The following IQANK1 variants were observed in gnomAD, a reference collection of about 807,000 sequenced individuals.
The protein encoded by IQANK1 is IQ motif and ankyrin repeat containing 1.
IQANK1 carries 30 observed loss-of-function variants against 22.6 expected under a neutral mutation model. The ratio of observed to expected loss-of-function variants is 1.33; its 90% CI spans 0.99 to 1.80. The LOEUF is 1.80. Among genes scored for constraint, IQANK1 ranks in the 40% most tolerant of loss-of-function variants. IQANK1 has a pLI of 0.00. For missense variants in IQANK1, 275 were observed against 235.2 expected (o/e 1.17, Z -1.11); for synonymous variants, 122 against 99.6 (o/e 1.23, Z -1.34).
intron 7 of IQANK1, among the ~76,000 whole-genome samples, chr8:143,776,320 T>C (rs1587490084): frequency 1.1e-5 from 1 of 87,272 alleles, no homozygotes; most frequent in African/African-American, 4.4e-5. Context: ...AGAGCGAGAC[T>C]CCGTCTCAAA....
Position 143,739,941 on chromosome 8 carries a change from C to T in IQANK1, c.168C>T (p.Ala56=), listed in dbSNP as rs1463488214. The change falls in exon 3 of 14, where the codon GCC becomes GCT. Residue 56 remains alanine, a synonymous_variant. Transcript: ENST00000527139. ...CCGCGTCGGCTGAGAGCCCACAGGCCCCCACAGGTGAGAGCCCGCACGTCC... is the reference window on the plus strand; with the variant it reads ...CCGCGTCGGCTGAGAGCCCACAGGCTCCCACAGGTGAGAGCCCGCACGTCC... ...REPASAESPQ[A]PTGPAEDRAA... is the part of the protein sequence containing the mutation. The T allele has an allele frequency of 7.2e-6, 5 of 697,996 alleles. No individual in the cohort carries two copies. The highest frequency in any genetic ancestry group is 4.0e-5 in the Admixed American group (2 of 49,632). 43.2% of individuals were successfully genotyped at this position (697,996 alleles called of 1,614,324 possible).
chr8:143,743,714 C>T (rs1053857669), intron 3 of IQANK1: 31 of 320,234 alleles, frequency 9.7e-5, no homozygotes, highest in Admixed American at 4.4e-4. Flanking sequence ...CGGCATCTGC[C>T]TCACAGTGCA....
intron 2 of IQANK1, among the ~76,000 whole-genome samples, chr8:143,737,480 TG>T (rs1818773864): frequency 1.3e-5 from 2 of 152,334 alleles, no homozygotes; most frequent in African/African-American, 4.8e-5. Flanking sequence ...TGCAGTGCCC[TG>T]TGTGGCGGGC....
intron 7 of IQANK1, among the ~76,000 whole-genome samples, chr8:143,783,657 G>A (rs909246608): frequency 1.3e-5 from 2 of 152,090 alleles, no homozygotes; most frequent in Admixed American, 6.6e-5. Context: ...ATCCTCCCAA[G>A]GACATAAAGA....
At chr8:143,766,691 AG>A (rs1419867322) in intron 3 of IQANK1, among the ~76,000 whole-genome samples, 3 of 152,108 alleles carry the variant, frequency 2.0e-5, no homozygotes, top group Non-Finnish European at 4.4e-5. Context: ...GAAAAAAAAA[AG>A]AACGTACTGA....
chr8:143,742,805 A>G lies in IQANK1; in HGVS notation c.175+2857A>G, dbSNP rs538983554. The G allele has an allele frequency of 2.1e-4, 95 of 456,092 alleles. 1 individual carries two copies. The East Asian group carries it at 3.3e-3, about 16-fold the overall frequency. The allele number at this position is 456,092 out of a possible 1,614,324, so 28.3% of individuals were successfully genotyped here. ...CAGCCTGGCTACTTTCACCTTAGCCAGCAGCCCTGGGCCACACTGGGGATG... is the reference window on the plus strand; with the variant it reads ...CAGCCTGGCTACTTTCACCTTAGCCGGCAGCCCTGGGCCACACTGGGGATG... On this transcript the variant is annotated intron_variant, in intron 3 of 13. Transcript: ENST00000527139.
At chr8:143,780,406 C>T (rs1017839160) in intron 7 of IQANK1, among the ~76,000 whole-genome samples, 3 of 151,986 alleles carry the variant, frequency 2.0e-5, no homozygotes, top group Admixed American at 6.5e-5. Flanking sequence ...GGGGATTTGT[C>T]GTACAGATTA....
At chr8:143,786,877 G>C (rs1480071086) in intron 7 of IQANK1, among the ~76,000 whole-genome samples, 1 of 152,168 alleles carries the variant, frequency 6.6e-6, no homozygotes, top group African/African-American at 2.4e-5. Flanking sequence ...TCCTGAGGGG[G>C]ACAAGGAAGG....
intron 3 of IQANK1, among the ~76,000 whole-genome samples, chr8:143,760,799 GC>G (rs1819380656): frequency 6.6e-6 from 1 of 152,260 alleles, no homozygotes; most frequent in Non-Finnish European, 1.5e-5. Context: ...AAGCAGCGAT[GC>G]CCCCGGGTTG....
intron 3 of IQANK1, chr8:143,743,206 T>C (rs2129790655): frequency 2.8e-6 from 1 of 362,114 alleles, no homozygotes. Context: ...TCCACTGTTT[T>C]TGGTTTGGGT....
At chr8:143,746,825 T>C (rs1384596598) in intron 3 of IQANK1, among the ~76,000 whole-genome samples, 1 of 152,200 alleles carries the variant, frequency 6.6e-6, no homozygotes, top group African/African-American at 2.4e-5. Flanking sequence ...CTCAATTTGT[T>C]GGCATATAAT....
intron 3 of IQANK1, chr8:143,741,955 C>T (rs538233992): frequency 1.4e-4 from 31 of 221,832 alleles, no homozygotes; most frequent in Non-Finnish European, 2.6e-4. Flanking sequence ...GAGCTCATGC[C>T]GTTGGTGTAA....
At chr8:143,766,657 C>T (rs6999943) in intron 3 of IQANK1, among the ~76,000 whole-genome samples, 32,472 of 151,356 alleles carry the variant, frequency 0.21, 3,847 homozygotes, top group East Asian at 0.51. Context: ...CGTGACGGTG[C>T]GAGATTCTGT....
chr8:143,753,344 A>G (rs1316009162), intron 3 of IQANK1, among the ~76,000 whole-genome samples: 3 of 150,788 alleles, frequency 2.0e-5, no homozygotes, highest in African/African-American at 4.9e-5. Context: ...TCATTCATAC[A>G]TTATTTTCTT....
rs1213690402 is a variant in IQANK1, at chr8:143,782,640, C to A, written c.790-6275C>A. Among the ~76,000 whole-genome samples, 7 of 152,106 alleles carry A rather than the reference C, an allele frequency of 4.6e-5. No homozygotes were observed. The South Asian group carries it at 8.3e-4, about 18-fold the overall frequency. ...GGATTACAGGCACGTGCCACCATGCCCAGCTAATTTTGTATTAGTAGAGAC... is the reference window on the plus strand; with the variant it reads ...GGATTACAGGCACGTGCCACCATGCACAGCTAATTTTGTATTAGTAGAGAC... On this transcript the variant is annotated intron_variant, in intron 7 of 13. Coordinates refer to ENST00000527139, the MANE Select transcript of IQANK1 (RefSeq NM_001381874.1).
chr8:143,756,339 C>G (rs1563772649), intron 3 of IQANK1, among the ~76,000 whole-genome samples: 1 of 152,214 alleles, frequency 6.6e-6, no homozygotes, highest in Non-Finnish European at 1.5e-5. Flanking sequence ...CCACGAGGGA[C>G]TGTCTGAGAA....
intron 3 of IQANK1, among the ~76,000 whole-genome samples, chr8:143,770,198 A>G (rs2129902911): frequency 6.6e-6 from 1 of 152,282 alleles, no homozygotes; most frequent in African/African-American, 2.4e-5. Flanking sequence ...TTGAGGCTTA[A>G]CTTCAGCGAA....
Position 143,790,518 on chromosome 8 carries a change from CTT to C in IQANK1, c.1597_1598del (p.Phe533ArgfsTer10). The C allele has an allele frequency of 2.5e-6, 1 of 403,128 alleles. No individual in the cohort carries two copies. Among genetic ancestry groups the C allele is most frequent in the Non-Finnish European group, 4.3e-6 (1 of 229,940 alleles). The allele number at this position is 403,128 out of a possible 1,614,324, so 25.0% of individuals were successfully genotyped here. A position where few individuals can be genotyped will look rare whatever the true frequency, so the allele number is the denominator to read the frequency against. On this transcript the variant is annotated frameshift_variant, in exon 14 of 14. Transcript: ENST00000527139. LOFTEE classifies it low-confidence loss of function (END_TRUNC). ...AGCAGCGGCTGGAGCACTTCCGCCT[CTT>C]TTTCGTCACCAAGGTCCAGTGGCCG... Reference protein sequence around the residue: ...QEQRLEHFRLFFVTKVQWPPA... With the variant: ...QEQRLEHFRLXFVTKVQWPPA...
chr8:143,790,190 A>G lies in IQANK1; in HGVS notation c.1343A>G (p.Gln448Arg). 2 of 1,232,136 alleles carry G rather than the reference A, an allele frequency of 1.6e-6. No individual in the cohort carries two copies. The highest frequency in any genetic ancestry group is 2.0e-6 in the Non-Finnish European group (2 of 988,022). 76.3% of individuals were successfully genotyped at this position (1,232,136 alleles called of 1,614,324 possible). A position where few individuals can be genotyped will look rare whatever the true frequency, so the allele number is the denominator to read the frequency against. ...LGQAATFLRY[Q>R]DTNYVDTVNP... ...CAGGCGGCCACCTTCCTGCGCTACC[A>G]GGATACCAACTATGTGGACACGGTG... Residue 448 changes from glutamine (Q) to arginine (R), a missense_variant, in exon 13 of 14, where the codon CAG becomes CGG. Physicochemically the swap from Gln to Arg is conservative, Grantham distance 43. Transcript: ENST00000527139.
Sources: allele counts gnomAD v4.1 joint callset (sites outside exome capture counted in the v4.1 genomes callset), GRCh38; gene constraint gnomAD v4.1.1; transcripts MANE v1.5; gene names NCBI Gene and HGNC (gene_info 2026-07-23, HGNC 2026-07-21).